Variants in NAALADL2 observed in about 807,000 individuals in gnomAD.
The protein encoded by NAALADL2 is inactive N-acetylated-alpha-linked acidic dipeptidase-like protein 2.
A neutral mutation model predicts 87.2 loss-of-function variants in NAALADL2; 76 were observed. That is an observed-to-expected ratio of 0.87 (90% CI 0.72 to 1.05). NAALADL2 has a LOEUF of 1.05. Ranked by LOEUF, NAALADL2 falls within the 50% of genes least tolerant of loss-of-function variation. The pLI, the probability that NAALADL2 is intolerant of heterozygous loss-of-function variation, is 0.00. For synonymous variants in NAALADL2, 354 were observed against 331.0 expected (o/e 1.07, Z -0.75); for missense variants, 1,089 against 945.8 (o/e 1.15, Z -1.99).
intron 1 of NAALADL2, among the ~76,000 whole-genome samples, chr3:175,050,629 T>C (rs574260098): frequency 1.3e-3 from 203 of 152,296 alleles, no homozygotes; most frequent in Non-Finnish European, 2.7e-3. Flanking sequence ...CAGTTTTGCT[T>C]AAAGTCCCAG....
chr3:175,757,051 T>C (rs918917253), intron 13 of NAALADL2, among the ~76,000 whole-genome samples: 65 of 151,778 alleles, frequency 4.3e-4, no homozygotes, highest in African/African-American at 1.4e-3. Context: ...TATGTATAAT[T>C]TTATGTAGTG....
chr3:174,721,378 T>C (rs1731692359), intron 2 of NAALADL2, among the ~76,000 whole-genome samples: 1 of 152,186 alleles, frequency 6.6e-6, no homozygotes, highest in African/African-American at 2.4e-5. Context: ...AAGAGACTGC[T>C]TAAAGTTTAT....
chr3:175,270,915 T>C (rs1362998771), intron 4 of NAALADL2: 1 of 152,220 alleles, frequency 6.6e-6, no homozygotes, highest in Non-Finnish European at 1.5e-5. Context: ...GATTATTTTA[T>C]TGCACTAAAT....
At chr3:175,189,145 A>G (rs1329633373) in intron 2 of NAALADL2, among the ~76,000 whole-genome samples, 1 of 152,162 alleles carries the variant, frequency 6.6e-6, no homozygotes, top group Non-Finnish European at 1.5e-5. Context: ...AATGGGGATA[A>G]ACTGAAAGCC....
chr3:175,003,316 G>A (rs540000568), intron 1 of NAALADL2, among the ~76,000 whole-genome samples: 44 of 152,136 alleles, frequency 2.9e-4, no homozygotes, highest in Non-Finnish European at 3.8e-4. Context: ...CCAGGAGTTC[G>A]AGACCTGCCT....
chr3:175,101,987 A>G (rs1417513502), intron 2 of NAALADL2, among the ~76,000 whole-genome samples: 1 of 152,178 alleles, frequency 6.6e-6, no homozygotes, highest in Non-Finnish European at 1.5e-5. Context: ...ATTTCCTTCT[A>G]TCATTCCCTA....
intron 1 of NAALADL2, among the ~76,000 whole-genome samples, chr3:174,914,953 G>T (rs1230607632): frequency 6.6e-6 from 1 of 151,990 alleles, no homozygotes; most frequent in Non-Finnish European, 1.5e-5. Flanking sequence ...TGAAAAGGCT[G>T]GGATTTCACA....
chr3:175,365,719 C>T (rs1017723901), intron 5 of NAALADL2, among the ~76,000 whole-genome samples: 4 of 146,938 alleles, frequency 2.7e-5, no homozygotes, highest in African/African-American at 4.9e-5. Flanking sequence ...ATCTGAGATA[C>T]ATAGGATCCA....
intron 1 of NAALADL2, among the ~76,000 whole-genome samples, chr3:175,067,341 T>C (rs534710544): frequency 6.6e-6 from 1 of 152,224 alleles, no homozygotes; most frequent in Non-Finnish European, 1.5e-5. Flanking sequence ...TTGCAAACTA[T>C]GCATCCAACC....
At chr3:175,778,198 T>C (rs1750526024) in intron 13 of NAALADL2, among the ~76,000 whole-genome samples, 1 of 152,210 alleles carries the variant, frequency 6.6e-6, no homozygotes, top group African/African-American at 2.4e-5. Flanking sequence ...AGTTGTTCCC[T>C]GTGAAGCACA....
chr3:174,963,754 A>C (rs1189600484), intron 1 of NAALADL2, among the ~76,000 whole-genome samples: 2 of 152,188 alleles, frequency 1.3e-5, no homozygotes, highest in African/African-American at 4.8e-5. Flanking sequence ...AAGACAGCTT[A>C]AAATCATGTT....
intron 9 of NAALADL2, among the ~76,000 whole-genome samples, chr3:175,542,330 A>G (rs75670623): frequency 0.044 from 6,733 of 152,316 alleles, 308 homozygotes; most frequent in African/African-American, 0.12. Context: ...ATATTTCCAG[A>G]TGTATGTTAT....
chr3:174,757,411 A>G (rs1419726362), intron 3 of NAALADL2, among the ~76,000 whole-genome samples: 1 of 152,214 alleles, frequency 6.6e-6, no homozygotes, highest in African/African-American at 2.4e-5. Flanking sequence ...TTGAACAACT[A>G]AGTATGACTT....
intron 2 of NAALADL2, among the ~76,000 whole-genome samples, chr3:175,148,764 T>A (rs1731139411): frequency 6.6e-6 from 1 of 152,146 alleles, no homozygotes; most frequent in Admixed American, 6.6e-5. Context: ...GTGTACAGTT[T>A]TATTTATGGG....
chr3:174,815,120 C>T (rs1411870630), intron 3 of NAALADL2, among the ~76,000 whole-genome samples: 2 of 152,156 alleles, frequency 1.3e-5, no homozygotes, highest in African/African-American at 2.4e-5. Flanking sequence ...CATCCTTGGG[C>T]TCACTTCTCT....
chr3:174,946,498 CTT>C (rs1379387195), intron 1 of NAALADL2, among the ~76,000 whole-genome samples: 1 of 152,110 alleles, frequency 6.6e-6, no homozygotes, highest in Non-Finnish European at 1.5e-5. Flanking sequence ...TATAGGATTA[CTT>C]TGAGAATTAT....
chr3:175,667,395 C>T (rs1378812232), intron 11 of NAALADL2, among the ~76,000 whole-genome samples: 1 of 151,972 alleles, frequency 6.6e-6, no homozygotes, highest in East Asian at 1.9e-4. Flanking sequence ...CAAATTGTCA[C>T]GTTTAAAATC....
intron 3 of NAALADL2, among the ~76,000 whole-genome samples, chr3:174,787,142 A>G (rs1716773345): frequency 1.3e-5 from 2 of 152,082 alleles, no homozygotes; most frequent in Non-Finnish European, 2.9e-5. Flanking sequence ...TTTTATGAAT[A>G]CATGAAATGA....
chr3:175,758,220 A>T (rs1185693468), intron 13 of NAALADL2, among the ~76,000 whole-genome samples: 1 of 152,044 alleles, frequency 6.6e-6, no homozygotes, highest in Non-Finnish European at 1.5e-5. Context: ...TGTTCTCATT[A>T]TGCAAGCCTC....
Sources: gnomAD v4.1 joint callset for allele counts (sites outside exome capture counted in the v4.1 genomes callset) on GRCh38, gnomAD v4.1.1 for gene constraint, MANE v1.5 for transcripts, NCBI Gene and HGNC (gene_info 2026-07-23, HGNC 2026-07-21) for gene names.